The following PPM1L variants were observed in gnomAD, a reference collection of about 807,000 sequenced individuals.
The protein encoded by PPM1L is protein phosphatase 1L.
In PPM1L, 13 loss-of-function variants were observed where a neutral mutation model predicts 31.4. That is an observed-to-expected ratio of 0.41 (90% CI 0.27 to 0.66). The LOEUF is 0.66. Among genes scored for constraint, PPM1L ranks in the 30% least tolerant of loss-of-function variants. The probability of loss-of-function intolerance (pLI) is 0.29; values close to 1 mark genes in which losing one functional copy is unlikely to be tolerated. For synonymous variants in PPM1L, 184 were observed against 175.4 expected (o/e 1.05, Z -0.39); for missense variants, 326 against 453.7 (o/e 0.72, Z 2.56).
At chr3:160,775,868 T>A (rs1198160849) in intron 1 of PPM1L, among the ~76,000 whole-genome samples, 1 of 152,064 alleles carries the variant, frequency 6.6e-6, no homozygotes, top group Non-Finnish European at 1.5e-5. Flanking sequence ...TATCAAAAAG[T>A]GGGGAAATGT....
intron 2 of PPM1L, among the ~76,000 whole-genome samples, chr3:160,990,845 G>T (rs931804729): frequency 6.6e-6 from 1 of 152,144 alleles, no homozygotes; most frequent in Non-Finnish European, 1.5e-5. Flanking sequence ...TTGTAGGACT[G>T]TCTATTACAT....
At chr3:160,891,695 C>T (rs1713150807) in intron 1 of PPM1L, among the ~76,000 whole-genome samples, 1 of 152,186 alleles carries the variant, frequency 6.6e-6, no homozygotes. Flanking sequence ...GACACATGCA[C>T]ACGTATGTTT....
chr3:160,984,892 C>T (rs1716914521), intron 2 of PPM1L, among the ~76,000 whole-genome samples: 1 of 152,130 alleles, frequency 6.6e-6, no homozygotes, highest in Non-Finnish European at 1.5e-5. Context: ...TTAGTTGTCA[C>T]AGCTTAGAAA....
intron 2 of PPM1L, among the ~76,000 whole-genome samples, chr3:161,004,892 G>A (rs1717649572): frequency 6.6e-6 from 1 of 152,094 alleles, no homozygotes; most frequent in South Asian, 2.1e-4. Context: ...GCTTTTGAAT[G>A]TGTTTGCTCT....
At chr3:160,814,580 T>TAC (rs1302050856) in intron 1 of PPM1L, among the ~76,000 whole-genome samples, 3 of 90,104 alleles carry the variant, frequency 3.3e-5, no homozygotes, top group Admixed American at 2.1e-4. Context: ...TGTGTATATA[T>TAC]ATACACACAC....
At chr3:160,878,689 G>A (rs575226361) in intron 1 of PPM1L, among the ~76,000 whole-genome samples, 37 of 152,282 alleles carry the variant, frequency 2.4e-4, no homozygotes, top group African/African-American at 8.4e-4. Flanking sequence ...CTTTCAGATT[G>A]GCTTGAAGAA....
At chr3:160,776,278 T>C (rs1349130035) in intron 1 of PPM1L, among the ~76,000 whole-genome samples, 1 of 152,190 alleles carries the variant, frequency 6.6e-6, no homozygotes, top group Non-Finnish European at 1.5e-5. Flanking sequence ...AGCTACTTCT[T>C]AACTCCTTCA....
intron 2 of PPM1L, among the ~76,000 whole-genome samples, chr3:160,962,947 A>T (rs1237677827): frequency 6.7e-6 from 1 of 148,858 alleles, no homozygotes; most frequent in Non-Finnish European, 1.5e-5. Flanking sequence ...TGCCCAGGAC[A>T]TCTCTGCTTT....
chr3:160,866,161 C>T (rs1006778780), intron 1 of PPM1L, among the ~76,000 whole-genome samples: 1 of 152,152 alleles, frequency 6.6e-6, no homozygotes, highest in Non-Finnish European at 1.5e-5. Flanking sequence ...CAGAAAGGTA[C>T]TTGGCTAATG....
rs1400853554 is a variant in PPM1L at position 161,048,347 on chromosome 3, C to T, written c.575-17056C>T. On this transcript the variant is annotated intron_variant, in intron 2 of 3. Coordinates refer to ENST00000498165, the MANE Select transcript of PPM1L (RefSeq NM_139245.4). ...TGATAAAAGGCTCATCATCACTGGC[C>T]ATCAGAGAAATGCAAATCAAAACCA... 2.0e-5 allele frequency among the ~76,000 whole-genome samples: 3 copies of T among 152,150 alleles called. No homozygotes were observed. In the East Asian group the frequency reaches 5.8e-4, roughly 29 times the overall value.
chr3:160,969,654 A>G (rs991009232), intron 2 of PPM1L, among the ~76,000 whole-genome samples: 19 of 152,200 alleles, frequency 1.2e-4, no homozygotes, highest in Admixed American at 1.2e-3. Context: ...CTTACTTTAT[A>G]TCTTCAATCA....
chr3:160,787,548 CTGTT>C (rs1711972914), intron 1 of PPM1L, among the ~76,000 whole-genome samples: 1 of 151,992 alleles, frequency 6.6e-6, no homozygotes, highest in Non-Finnish European at 1.5e-5. Context: ...CATAGGTTGT[CTGTT>C]TGTTTACTCT....
intron 1 of PPM1L, among the ~76,000 whole-genome samples, chr3:160,782,914 A>G: frequency 6.6e-6 from 1 of 152,150 alleles, no homozygotes; most frequent in East Asian, 1.9e-4. Flanking sequence ...GTTATTCTTT[A>G]TTTTAATACT....
chr3:161,047,679 T>G (rs1292240167), intron 2 of PPM1L, among the ~76,000 whole-genome samples: 1 of 152,166 alleles, frequency 6.6e-6, no homozygotes, highest in African/African-American at 2.4e-5. Flanking sequence ...CTACCTGACT[T>G]CAAACTATAC....
intron 2 of PPM1L, among the ~76,000 whole-genome samples, chr3:161,055,038 C>G (rs568186480): frequency 6.2e-4 from 94 of 152,022 alleles, no homozygotes; most frequent in African/African-American, 2.2e-3. Context: ...TCAGGTGACA[C>G]AGTGTCTTAG....
intron 1 of PPM1L, among the ~76,000 whole-genome samples, chr3:160,909,871 G>A (rs1019791949): frequency 4.6e-5 from 7 of 152,156 alleles, no homozygotes; most frequent in African/African-American, 1.7e-4. Flanking sequence ...TGCCCATGTG[G>A]GTGGGTTGAG....
chr3:160,806,627 A>G (rs557596194), intron 1 of PPM1L, among the ~76,000 whole-genome samples: 3 of 152,180 alleles, frequency 2.0e-5, no homozygotes, highest in Admixed American at 2.0e-4. Flanking sequence ...TCGAAGTAAC[A>G]TCTTGGCACA....
In PPM1L at chr3:161,069,469, G is replaced by T. The variant is rs1024216217; in HGVS notation, c.*312G>T. The T allele has an allele frequency of 1.3e-5, 4 of 308,058 alleles. No homozygotes were observed. Among genetic ancestry groups the T allele is most frequent in the African/African-American group, 2.2e-5 (1 of 46,126 alleles). The allele number at this position is 308,058 out of a possible 1,614,324, so 19.1% of individuals were successfully genotyped here. A position where few individuals can be genotyped will look rare whatever the true frequency, so the allele number is the denominator to read the frequency against. On this transcript the variant is annotated 3_prime_UTR_variant, in exon 4 of 4. Transcript: ENST00000498165. The stretch of plus-strand genomic sequence containing the variant: ...ATATGTGTCATTTAGTCTCCCTGAA[G>T]ATTCTTTTCAAGATCCTGTTCAGGG...
chr3:160,960,636 C>G (rs1402488647), intron 1 of PPM1L, among the ~76,000 whole-genome samples: 1 of 150,020 alleles, frequency 6.7e-6, no homozygotes, highest in Non-Finnish European at 1.5e-5. Flanking sequence ...TAATTTTGAA[C>G]AATATATGGT....
Sources: allele counts gnomAD v4.1 joint callset (sites outside exome capture counted in the v4.1 genomes callset), GRCh38; gene constraint gnomAD v4.1.1; transcripts MANE v1.5; gene names NCBI Gene and HGNC (gene_info 2026-07-23, HGNC 2026-07-21).